Variants in ADGRL2 observed in about 807,000 individuals in gnomAD.
ADGRL2 encodes adhesion G protein-coupled receptor L2.
A neutral mutation model predicts 157.4 loss-of-function variants in ADGRL2; 44 were observed. The ratio of observed to expected loss-of-function variants is 0.28; its 90% CI spans 0.22 to 0.36. ADGRL2 has a LOEUF of 0.36. Ranked by LOEUF, ADGRL2 falls within the 10% of genes least tolerant of loss-of-function variation. ADGRL2 has a pLI of 1.00. For missense variants in ADGRL2, 1,510 were observed against 1,768.9 expected (o/e 0.85, Z 2.63); for synonymous variants, 585 against 624.7 (o/e 0.94, Z 0.95).
chr1:81,475,859 A>T (rs371981253), intron 2 of ADGRL2, among the ~76,000 whole-genome samples: 5 of 152,312 alleles, frequency 3.3e-5, no homozygotes, highest in African/African-American at 1.2e-4. Flanking sequence ...AGGCTATTAC[A>T]ATCTGTGTAG....
intron 2 of ADGRL2, among the ~76,000 whole-genome samples, chr1:81,539,530 T>C (rs2079831405): frequency 6.6e-6 from 1 of 152,184 alleles, no homozygotes; most frequent in Admixed American, 6.5e-5. Flanking sequence ...TCTAGTCTTT[T>C]CTTAGGACAG....
intron 1 of ADGRL2, among the ~76,000 whole-genome samples, chr1:81,760,525 A>G (rs2085841590): frequency 6.6e-6 from 1 of 152,070 alleles, no homozygotes; most frequent in Non-Finnish European, 1.5e-5. Flanking sequence ...ATAATCAAAT[A>G]TAGTTTTGAC....
At chr1:81,532,976 T>TATCTATC (rs2079642168) in intron 2 of ADGRL2, among the ~76,000 whole-genome samples, 2 of 139,904 alleles carry the variant, frequency 1.4e-5, no homozygotes, top group African/African-American at 4.9e-5. Flanking sequence ...ATCTATCATC[T>TATCTATC]ATCTATCTAT....
At chr1:81,903,912 T>C (rs917614029) in intron 2 of ADGRL2, among the ~76,000 whole-genome samples, 2 of 151,394 alleles carry the variant, frequency 1.3e-5, no homozygotes, top group African/African-American at 2.4e-5. Flanking sequence ...ATCTGTCTTA[T>C]GACAATTCCA....
chr1:81,382,886 C>G (rs537594773), intron 1 of ADGRL2, among the ~76,000 whole-genome samples: 1 of 152,204 alleles, frequency 6.6e-6, no homozygotes, highest in Admixed American at 6.5e-5. Flanking sequence ...AACTAACATT[C>G]GGGAATGTTT....
chr1:81,476,181 GAAA>G (rs1050148521), intron 2 of ADGRL2, among the ~76,000 whole-genome samples: 2 of 151,238 alleles, frequency 1.3e-5, no homozygotes, highest in Admixed American at 6.6e-5. Context: ...GAAAGAAAAA[GAAA>G]AAAAGGAAAG....
rs1658376429 is a variant in ADGRL2, at chr1:81,970,411, T to C, written c.2831T>C (p.Val944Ala). 1 of 1,563,316 alleles carries C rather than the reference T, an allele frequency of 6.4e-7. No individual in the cohort carries two copies. Among genetic ancestry groups the C allele is most frequent in the Non-Finnish European group, 8.6e-7 (1 of 1,161,078 alleles). ...LEGVQLYLML[V>A]EVFESEYSRK... is the part of the protein sequence containing the mutation. ...GGTGTGCAGCTCTACCTAATGTTAG[T>C]TGAAGTTTTTGAAAGTGAATATTCA... The change falls in exon 16 of 24, where the codon GTT (valine) becomes GCT (alanine). Residue 944 changes from valine (V) to alanine (A), a missense_variant. By Grantham distance (64) the Val-to-Ala change is moderately conservative (BLOSUM62 0). Around this residue, in one of 4 missense-constraint regions of ADGRL2, gnomAD observed 497 missense variants for 627.2 expected, o/e 0.79. Coordinates refer to ENST00000686636, the MANE Select transcript of ADGRL2 (RefSeq NM_001366006.2).
At chr1:81,616,684 T>C (rs373812808) in intron 3 of ADGRL2, among the ~76,000 whole-genome samples, 1 of 77,838 alleles carries the variant, frequency 1.3e-5, no homozygotes, top group African/African-American at 4.4e-5. Flanking sequence ...CTTTTCTTTT[T>C]TTTTTTTTTT....
At chr1:81,351,645 A>T (rs1662900293) in intron 1 of ADGRL2, among the ~76,000 whole-genome samples, 1 of 152,188 alleles carries the variant, frequency 6.6e-6, no homozygotes, top group African/African-American at 2.4e-5. Flanking sequence ...AGCACGTCAA[A>T]CCAGCAAGTA....
chr1:81,801,348 A>C (rs1052772592), intron 1 of ADGRL2, among the ~76,000 whole-genome samples: 2 of 152,014 alleles, frequency 1.3e-5, no homozygotes, highest in Admixed American at 6.5e-5. Flanking sequence ...GAGGAGGAGG[A>C]GGCTGGAGGT....
intron 3 of ADGRL2, among the ~76,000 whole-genome samples, chr1:81,616,018 G>A (rs1306708336): frequency 6.6e-6 from 1 of 151,898 alleles, no homozygotes; most frequent in Non-Finnish European, 1.5e-5. Context: ...TTATGCCACT[G>A]CGCACTCAAG....
intron 3 of ADGRL2, among the ~76,000 whole-genome samples, chr1:81,651,326 C>G (rs890229947): frequency 1.3e-5 from 2 of 151,952 alleles, no homozygotes; most frequent in Non-Finnish European, 2.9e-5. Flanking sequence ...AGTATCAAAC[C>G]AAGAATATGT....
At chr1:81,688,575 T>C (rs1292167826) in intron 3 of ADGRL2, among the ~76,000 whole-genome samples, 1 of 152,186 alleles carries the variant, frequency 6.6e-6, no homozygotes, top group Non-Finnish European at 1.5e-5. Flanking sequence ...TCTTCACTTA[T>C]TGTGTCATTG....
intron 3 of ADGRL2, among the ~76,000 whole-genome samples, chr1:81,934,899 A>T (rs1231611274): frequency 6.6e-6 from 1 of 151,968 alleles, no homozygotes; most frequent in East Asian, 1.9e-4. Flanking sequence ...AAAGAAGGAA[A>T]TGAAAGGACT....
intron 2 of ADGRL2, among the ~76,000 whole-genome samples, chr1:81,769,503 A>G (rs191007066): frequency 3.6e-4 from 55 of 152,174 alleles, no homozygotes; most frequent in Admixed American, 1.9e-3. Context: ...TTCCAAATAT[A>G]TAACCTAATT....
chr1:81,631,672 T>G (rs972076588), intron 3 of ADGRL2, among the ~76,000 whole-genome samples: 5 of 152,250 alleles, frequency 3.3e-5, no homozygotes, highest in Non-Finnish European at 7.3e-5. Context: ...TTGGTTCTAA[T>G]GTATAACAAA....
chr1:81,969,671 A>G (rs1438310872), intron 15 of ADGRL2, among the ~76,000 whole-genome samples: 1 of 152,166 alleles, frequency 6.6e-6, no homozygotes, highest in East Asian at 1.9e-4. Flanking sequence ...TAAAGATCCT[A>G]TTTTAAAAAT....
intron 2 of ADGRL2, among the ~76,000 whole-genome samples, chr1:81,902,222 A>G (rs2094500736): frequency 6.6e-6 from 1 of 152,200 alleles, no homozygotes; most frequent in African/African-American, 2.4e-5. Flanking sequence ...TGTGAGGACC[A>G]GGGTTCTTAT....
At position 81,801,076 on chromosome 1, in the gene ADGRL2, TC is replaced by T. The variant is rs1237568251; in HGVS notation, c.-101+12del. 6.6e-6 allele frequency among the ~76,000 whole-genome samples: 1 copy of T among 151,848 alleles called. No individual in the cohort carries two copies. Among genetic ancestry groups the T allele is most frequent in the East Asian group, 2.0e-4 (1 of 5,108 alleles). On this transcript the variant is annotated intron_variant, in intron 1 of 23. Coordinates refer to ENST00000686636, the MANE Select transcript of ADGRL2 (RefSeq NM_001366006.2). ...TCCGAAGGGCTCGAGCCCGTAAGTA[TC>T]CCCTTTCGCTCCTCCTCCCCGCCGC...
Sources: gnomAD v4.1 joint callset for allele counts (sites outside exome capture counted in the v4.1 genomes callset) on GRCh38, gnomAD v4.1.1 for gene constraint, gnomAD v4.1.1 regional missense constraint, MANE v1.5 for transcripts, NCBI Gene and HGNC (gene_info 2026-07-23, HGNC 2026-07-21) for gene names.